PI4K2A: variants seen among roughly 807,000 people sequenced by gnomAD.
PI4K2A encodes phosphatidylinositol 4-kinase type 2 alpha.
In PI4K2A, 20 loss-of-function variants were observed where a neutral mutation model predicts 55.0. The observed-to-expected ratio is 0.36, with a 90% confidence interval of 0.26 to 0.53. The LOEUF is 0.53. PI4K2A is among the 20% of genes least tolerant of loss of function. The pLI is 0.91. For synonymous variants in PI4K2A, 235 were observed against 258.5 expected, an observed-to-expected ratio of 0.91 and a Z score of 0.87; for missense variants, 463 against 637.1, an observed-to-expected ratio of 0.73 and a Z score of 2.94.
At chr10:97,658,509 T>C (rs1344207483) in intron 4 of PI4K2A, among the ~76,000 whole-genome samples, 1 of 152,238 alleles carries the variant, frequency 6.6e-6, no homozygotes, top group Admixed American at 6.5e-5. Context: ...GGTGTACAAA[T>C]ATCTCTTCAA....
intron 2 of PI4K2A, among the ~76,000 whole-genome samples, chr10:97,652,251 C>T (rs536141107): frequency 5.7e-4 from 86 of 152,136 alleles, no homozygotes; most frequent in African/African-American, 1.9e-3. Context: ...GTTGACACCC[C>T]AGGGAGCATG....
exon 9 of PI4K2A, chr10:97,675,675 T>G (rs1048674142): frequency 3.9e-5 from 6 of 152,614 alleles, no homozygotes; most frequent in Non-Finnish European, 8.8e-5. Flanking sequence ...ATCTCCACAT[T>G]GTCTTGATCC....
At position 97,656,409 on chromosome 10, in the gene PI4K2A, C is replaced by T. The variant is rs2041554729; in HGVS notation, c.761C>T (p.Pro254Leu). The T allele has an allele frequency of 6.2e-7, 1 of 1,613,858 alleles. No individual in the cohort carries two copies. Among genetic ancestry groups the T allele is most frequent in the South Asian group, 1.1e-5 (1 of 91,080 alleles). ...CAGCGGTTTAACCGCATCGGGCTAC[C>T]ACCAAAGGTATAGACGCACCTCTGG... is the stretch of plus-strand genomic sequence containing the variant. Residue 254 changes from proline to leucine, a missense_variant, in exon 3 of 9, where the codon CCA (proline) becomes CTA (leucine). By Grantham distance (98) the Pro-to-Leu change is moderately conservative. Transcript: ENST00000370631. This position sits in a 1 kb window ranked among gnomAD's most constrained non-coding sequence, Gnocchi z 4.5.
intron 8 of PI4K2A, among the ~76,000 whole-genome samples, chr10:97,670,646 A>C (rs2135763218): frequency 6.6e-6 from 1 of 152,314 alleles, no homozygotes; most frequent in Non-Finnish European, 1.5e-5. Context: ...AAAACAATTA[A>C]GTAAAAAAGA....
At chr10:97,657,573 T>C (rs1022042365) in intron 4 of PI4K2A, among the ~76,000 whole-genome samples, 1 of 150,268 alleles carries the variant, frequency 6.7e-6, no homozygotes, top group African/African-American at 2.5e-5. Flanking sequence ...GAGGCTGAGG[T>C]GGGAGAATCG....
rs1201396208 is a variant in PI4K2A at position 97,666,470 on chromosome 10, A to G, written c.1117A>G (p.Lys373Glu). The stretch of plus-strand genomic sequence containing the variant: ...TTACTGGGCCTGGTTGCCCCAGGCG[A>G]AAGTCCCATTTTCTCAGGAGATCAA... Residue 373 changes from lysine (K) to glutamate (E), a missense_variant, in exon 7 of 9, where the codon AAA (lysine) becomes GAA (glutamate). By Grantham distance (56) the Lys-to-Glu change is moderately conservative (BLOSUM62 1). Transcript: ENST00000370631. 2.5e-6 allele frequency: 4 copies of G among 1,613,552 alleles called. No individual in the cohort carries two copies. In the African/African-American group the frequency reaches 5.3e-5, roughly 22 times the overall value.
chr10:97,669,901 T>C (rs543224016), intron 8 of PI4K2A, among the ~76,000 whole-genome samples: 3 of 152,076 alleles, frequency 2.0e-5, no homozygotes, highest in South Asian at 4.2e-4. Context: ...TCTGTAACAT[T>C]TTCTTTTTCT....
chr10:97,666,386 G>A lies in PI4K2A; in HGVS notation c.1085-52G>A, dbSNP rs371510302. 1.3e-5 allele frequency: 20 copies of A among 1,578,404 alleles called. No individual in the cohort carries two copies. The East Asian group carries it at 2.7e-4, about 21-fold the overall frequency. ...GCCTTGACTGGTGGAGGACACAGAT[G>A]AGCAGGGACTTTTCCAACACCAGCT... On this transcript the variant is annotated intron_variant, in intron 6 of 8. Transcript: ENST00000370631.
chr10:97,665,821 G>T (rs1429254665), intron 6 of PI4K2A, among the ~76,000 whole-genome samples: 1 of 149,658 alleles, frequency 6.7e-6, no homozygotes, highest in African/African-American at 2.5e-5. Context: ...TCAATCTCCT[G>T]ACCTTGTGAT....
At chr10:97,651,237 G>A (rs1320376079) in intron 2 of PI4K2A, 96 bp downstream of exon 2, 1 of 860,794 alleles carries the variant, frequency 1.2e-6, no homozygotes, top group Non-Finnish European at 1.9e-6. Flanking sequence ...GGTCCAGTGG[G>A]GTCATTTATA....
At chr10:97,665,057 T>C in intron 6 of PI4K2A, 73 bp downstream of exon 6, 1 of 874,378 alleles carries the variant, frequency 1.1e-6, no homozygotes, top group South Asian at 1.4e-5. Context: ...GTGGAGATGA[T>C]AATGTCTCTA....
chr10:97,665,818 C>T (rs1008173694), intron 6 of PI4K2A, among the ~76,000 whole-genome samples: 8 of 149,380 alleles, frequency 5.4e-5, no homozygotes, highest in Admixed American at 6.7e-5. Context: ...ATCTCAATCT[C>T]CTGACCTTGT....
intron 8 of PI4K2A, among the ~76,000 whole-genome samples, chr10:97,670,916 TC>T (rs2041631655): frequency 6.6e-6 from 1 of 151,982 alleles, no homozygotes; most frequent in African/African-American, 2.4e-5. Context: ...GGCGGGTGGA[TC>T]ACCTGAGGTT....
At chr10:97,672,968 G>GT (rs1160446229) in intron 8 of PI4K2A, among the ~76,000 whole-genome samples, 7 of 148,866 alleles carry the variant, frequency 4.7e-5, no homozygotes, top group Non-Finnish European at 1.0e-4. Flanking sequence ...ATTTTTAAGT[G>GT]TTTTTTGTGT....
At chr10:97,647,960 G>T (rs1183968591) in intron 1 of PI4K2A, among the ~76,000 whole-genome samples, 2 of 151,308 alleles carry the variant, frequency 1.3e-5, no homozygotes, top group Non-Finnish European at 2.9e-5. Context: ...TTAGAGATGG[G>T]GTCTTGCTCT....
intron 2 of PI4K2A, among the ~76,000 whole-genome samples, chr10:97,651,834 C>T (rs886530945): frequency 2.7e-5 from 4 of 150,136 alleles, no homozygotes; most frequent in Non-Finnish European, 5.9e-5. Context: ...TTTACTGACA[C>T]CAGGCTAAGA....
At chr10:97,655,015 T>C (rs189993878) in intron 2 of PI4K2A, among the ~76,000 whole-genome samples, 66 of 152,238 alleles carry the variant, frequency 4.3e-4, no homozygotes, top group African/African-American at 1.5e-3. Flanking sequence ...TAGCAGTTAA[T>C]TAAAATGAAA....
rs538482745 is a variant in PI4K2A, at chr10:97,671,623, T to A, written c.1279-1958T>A. ...GGAGAATCCAAATAAAATGTTGGCT[T>A]TTTACTTTTTGTTTGTTTGTTTGTT... is the stretch of plus-strand genomic sequence containing the variant. On this transcript the variant is annotated intron_variant, in intron 8 of 8. Transcript: ENST00000370631. 8.9e-4 allele frequency among the ~76,000 whole-genome samples: 136 copies of A among 152,110 alleles called. 1 individual carries two copies. Among genetic ancestry groups the A allele is most frequent in the Non-Finnish European group, 1.5e-3 (99 of 68,020 alleles).
In PI4K2A at chr10:97,673,775, G is replaced by T. The variant is rs751664489; in HGVS notation, c.*33G>T. 6 of 1,606,346 alleles carry T rather than the reference G, an allele frequency of 3.7e-6. No homozygotes were observed. The South Asian group carries it at 6.6e-5, about 18-fold the overall frequency. On this transcript the variant is annotated 3_prime_UTR_variant, in exon 9 of 9. Coordinates refer to ENST00000370631, the Ensembl canonical transcript of PI4K2A. ...GGCAGGCAGAGGAAATATTGTCAGAGACTGGTGGGAGGAAGCCTGGGGAGT... is the reference window on the plus strand; with the variant it reads ...GGCAGGCAGAGGAAATATTGTCAGATACTGGTGGGAGGAAGCCTGGGGAGT...
Sources: allele counts gnomAD v4.1 joint callset (sites outside exome capture counted in the v4.1 genomes callset), GRCh38; gene constraint gnomAD v4.1.1; non-coding constraint Gnocchi (gnomAD v3.1); transcripts MANE v1.5; gene names NCBI Gene and HGNC (gene_info 2026-07-23, HGNC 2026-07-21).